Variants in RAB40C observed in about 807,000 individuals in gnomAD.
The protein encoded by RAB40C is ras-related protein Rab-40C.
A neutral mutation model predicts 28.1 loss-of-function variants in RAB40C; 8 were observed. That is an observed-to-expected ratio of 0.28 (90% CI 0.17 to 0.51). RAB40C has a LOEUF of 0.51. Ranked by LOEUF, RAB40C falls within the 20% of genes least tolerant of loss-of-function variation. The pLI, the probability that RAB40C is intolerant of heterozygous loss-of-function variation, is 0.97. For synonymous variants in RAB40C, 201 were observed against 171.7 expected (o/e 1.17, Z -1.34); for missense variants, 288 against 405.9 (o/e 0.71, Z 2.50).
chr16:621,536 C>G (rs961400555), intron 3 of RAB40C, among the ~76,000 whole-genome samples: 1 of 152,278 alleles, frequency 6.6e-6, no homozygotes, highest in Non-Finnish European at 1.5e-5. Flanking sequence ...GCGGCTCTTC[C>G]CGCGAGGCCC....
At chr16:616,310 G>A (rs2036582938) in intron 1 of RAB40C, among the ~76,000 whole-genome samples, 1 of 146,244 alleles carries the variant, frequency 6.8e-6, no homozygotes, top group African/African-American at 2.5e-5. Context: ...TCTGAGGTCA[G>A]TCCAGAGTCC....
intron 1 of RAB40C, among the ~76,000 whole-genome samples, chr16:600,520 A>C (rs2036227947): frequency 6.6e-6 from 1 of 152,172 alleles, no homozygotes; most frequent in Non-Finnish European, 1.5e-5. Context: ...TGGGAGGCCG[A>C]GGCGGGCGGA....
chr16:602,874 A>G (rs552159111), intron 1 of RAB40C, among the ~76,000 whole-genome samples: 2 of 152,318 alleles, frequency 1.3e-5, no homozygotes, highest in African/African-American at 2.4e-5. Flanking sequence ...ACAGCCAGAA[A>G]TGAGTCTTAA....
chr16:598,972 T>A (rs2036191741), intron 1 of RAB40C, among the ~76,000 whole-genome samples: 1 of 152,160 alleles, frequency 6.6e-6, no homozygotes, highest in Non-Finnish European at 1.5e-5. Context: ...CGGCTGCTGC[T>A]GGGCTTTCGC....
intron 3 of RAB40C, chr16:625,204 C>T: frequency 7.0e-7 from 1 of 1,422,318 alleles, no homozygotes. Context: ...ATTTCTGACA[C>T]CATGGAAGGC....
chr16:595,580 T>G (rs1272331926), intron 1 of RAB40C, among the ~76,000 whole-genome samples: 2 of 151,186 alleles, frequency 1.3e-5, no homozygotes, highest in Non-Finnish European at 2.9e-5. Context: ...AGGACTTCTG[T>G]GGGTCATTAT....
intron 3 of RAB40C, 41 bp downstream of exon 3, chr16:618,301 G>A (rs745502443): frequency 1.9e-6 from 3 of 1,549,794 alleles, no homozygotes; most frequent in Non-Finnish European, 2.6e-6. Context: ...TTCAAAGGAT[G>A]TTTCTCCTGA....
At chr16:607,865 C>T (rs889109925) in intron 1 of RAB40C, among the ~76,000 whole-genome samples, 1 of 152,188 alleles carries the variant, frequency 6.6e-6, no homozygotes, top group African/African-American at 2.4e-5. Context: ...AAAACGAAGT[C>T]GCACCTAGTA....
chr16:600,064 T>C (rs79582746), intron 1 of RAB40C, among the ~76,000 whole-genome samples: 26 of 150,072 alleles, frequency 1.7e-4, no homozygotes, highest in Admixed American at 3.3e-4. Flanking sequence ...AGCGTGGATT[T>C]GCAAAGTTTT....
At chr16:622,846 A>G (rs541707406) in intron 3 of RAB40C, among the ~76,000 whole-genome samples, 2 of 152,304 alleles carry the variant, frequency 1.3e-5, no homozygotes, top group South Asian at 2.1e-4. Flanking sequence ...TTTAGAAAAC[A>G]GAAGGCAGTG....
chr16:607,869 C>A (rs191660861), intron 1 of RAB40C, among the ~76,000 whole-genome samples: 1 of 152,232 alleles, frequency 6.6e-6, no homozygotes, highest in East Asian at 1.9e-4. Flanking sequence ...CGAAGTCGCA[C>A]CTAGTAAAGC....
chr16:605,115 C>T lies in RAB40C; in HGVS notation c.143-12093C>T, dbSNP rs370913500. ...CGCACACTTGTAATAGTCTTAGCTA[C>T]TCAGGAGGCTGAGGCAGGAGGATCG... On this transcript the variant is annotated intron_variant, in intron 1 of 5. Coordinates refer to ENST00000248139, the MANE Select transcript of RAB40C (RefSeq NM_021168.5). 9.2e-5 allele frequency among the ~76,000 whole-genome samples: 14 copies of T among 152,278 alleles called. No homozygotes were observed. In the East Asian group the frequency reaches 1.4e-3, roughly 15 times the overall value.
intron 1 of RAB40C, 120 bp from the exon 2 acceptor site, chr16:617,088 G>C (rs2036602075): frequency 9.7e-7 from 1 of 1,030,728 alleles, no homozygotes; most frequent in African/African-American, 1.6e-5. Flanking sequence ...TGAGTGTGGG[G>C]GAGCTGCTTC....
intron 1 of RAB40C, among the ~76,000 whole-genome samples, chr16:607,274 A>G (rs2036379598): frequency 6.6e-6 from 1 of 152,132 alleles, no homozygotes; most frequent in Non-Finnish European, 1.5e-5. Context: ...AGGTGGGTGG[A>G]TAACCTGAGG....
chr16:615,512 G>A (rs1015523428), intron 1 of RAB40C, among the ~76,000 whole-genome samples: 1 of 152,198 alleles, frequency 6.6e-6, no homozygotes, highest in African/African-American at 2.4e-5. Flanking sequence ...GGGGGAAGGG[G>A]CTGAGCCCTA....
intron 1 of RAB40C, among the ~76,000 whole-genome samples, chr16:600,218 C>T (rs2036220058): frequency 6.6e-6 from 1 of 152,244 alleles, no homozygotes. Context: ...ACAGTCTGTA[C>T]TTCCAGCAGA....
chr16:625,834 C>T (rs1335090979), intron 4 of RAB40C, 65 bp from the exon 5 acceptor site: 3 of 1,439,360 alleles, frequency 2.1e-6, no homozygotes, highest in East Asian at 2.5e-5. Flanking sequence ...GAGGGCGGGC[C>T]CTGCTGCGGC....
intron 3 of RAB40C, chr16:624,876 G>A: frequency 1.0e-6 from 1 of 985,496 alleles, no homozygotes; most frequent in South Asian, 4.7e-5. Flanking sequence ...ACAGCCCAGA[G>A]CTGAGCTCCA....
At chr16:606,464 G>T (rs1409364571) in intron 1 of RAB40C, among the ~76,000 whole-genome samples, 8 of 114,498 alleles carry the variant, frequency 7.0e-5, no homozygotes, top group African/African-American at 2.1e-4. Flanking sequence ...TCCAGTGTGG[G>T]TTTCCCTGAG....
Sources: gnomAD v4.1 joint callset for allele counts (sites outside exome capture counted in the v4.1 genomes callset) on GRCh38, gnomAD v4.1.1 for gene constraint, MANE v1.5 for transcripts, NCBI Gene and HGNC (gene_info 2026-07-23, HGNC 2026-07-21) for gene names.